Variants in CGA observed in about 807,000 individuals in gnomAD.
CGA encodes glycoprotein hormones, alpha polypeptide.
A neutral mutation model predicts 12.0 loss-of-function variants in CGA; 4 were observed. That is an observed-to-expected ratio of 0.33 (90% confidence interval 0.16 to 0.76). The LOEUF (loss-of-function observed/expected upper bound fraction) is 0.76, where lower values mean the gene tolerates loss of function less well. CGA is among the 30% of genes least tolerant of loss of function. The probability of loss-of-function intolerance (pLI) is 0.60; values close to 1 mark genes in which losing one functional copy is unlikely to be tolerated. For missense variants in CGA, 102 were observed against 143.5 expected (o/e 0.71, Z 1.48); for synonymous variants, 60 against 56.6 (o/e 1.06, Z -0.27).
rs184942595 is a variant in CGA, at chr6:87,089,771, A to G, written c.-7-1564T>C. On this transcript the variant is annotated intron_variant, in intron 1 of 3. Transcript: ENST00000627148. Reference sequence around the variant, plus strand: ...CTATTCTGAACATCTGAAATCTGAAATGGCCCACAATCTGAAACATTTTGC... The same window carrying G: ...CTATTCTGAACATCTGAAATCTGAAGTGGCCCACAATCTGAAACATTTTGC... Among the ~76,000 whole-genome samples the G allele has an allele frequency of 2.9e-3, 443 of 152,322 alleles. 4 individuals are homozygous for G. The highest frequency in any genetic ancestry group is 0.01 in the African/African-American group (424 of 41,570).
intron 2 of CGA, 196 bp downstream of exon 2, chr6:87,087,917 G>T: frequency 2.6e-6 from 1 of 379,114 alleles, no homozygotes; most frequent in Non-Finnish European, 4.7e-6. Flanking sequence ...GGTTGTGTAA[G>T]ATATCATTTT....
At chr6:87,088,627 T>C (rs1007878493) in intron 1 of CGA, among the ~76,000 whole-genome samples, 1 of 152,080 alleles carries the variant, frequency 6.6e-6, no homozygotes, top group Non-Finnish European at 1.5e-5. Context: ...TATACAATCA[T>C]TTGATGGAGG....
intron 1 of CGA, among the ~76,000 whole-genome samples, chr6:87,089,954 A>G (rs958384485): frequency 6.6e-6 from 1 of 152,254 alleles, no homozygotes; most frequent in African/African-American, 2.4e-5. Context: ...TCTCATCCCC[A>G]AGATATCTCA....
chr6:87,089,562 G>GT (rs1391215022), intron 1 of CGA, among the ~76,000 whole-genome samples: 2 of 152,050 alleles, frequency 1.3e-5, no homozygotes, highest in African/African-American at 4.8e-5. Flanking sequence ...CAAAATAAAA[G>GT]TTTTTTTAAA....
chr6:87,092,465 A>G (rs1251996455), intron 1 of CGA, among the ~76,000 whole-genome samples: 2 of 151,794 alleles, frequency 1.3e-5, no homozygotes, highest in East Asian at 3.9e-4. Flanking sequence ...GTGAACTGGG[A>G]TCGAGCCACT....
intron 1 of CGA, among the ~76,000 whole-genome samples, chr6:87,092,715 A>G (rs1225200902): frequency 6.6e-6 from 1 of 150,618 alleles, no homozygotes; most frequent in East Asian, 2.0e-4. Context: ...ACAGGGGAAC[A>G]GGGAAAGGGG....
At chr6:87,092,537 G>C (rs2127755504) in intron 1 of CGA, among the ~76,000 whole-genome samples, 1 of 150,160 alleles carries the variant, frequency 6.7e-6, no homozygotes, top group Middle Eastern at 3.4e-3. Flanking sequence ...GAGAGAGAGA[G>C]AGAGAAAGAA....
chr6:87,085,889 G>C (rs1769312690), intron 3 of CGA, 56 bp from the exon 4 acceptor site: 1 of 1,188,092 alleles, frequency 8.4e-7, no homozygotes, highest in Admixed American at 1.8e-5. Flanking sequence ...TAGATAGATA[G>C]AGACAAAATT....
rs1159521086 is a variant in CGA at position 87,086,374 on chromosome 6, A to T, written c.149T>A (p.Leu50His). The T allele has an allele frequency of 6.2e-7, 1 of 1,613,794 alleles. No homozygotes were observed. The highest frequency in any genetic ancestry group is 8.5e-7 in the Non-Finnish European group (1 of 1,179,932). Residue 50 changes from leucine to histidine, a missense_variant, in exon 3 of 4, where the codon CTT becomes CAT. Transcript: ENST00000627148. ...AGAGAAGCAGCAGCCCATGCACTGA[A>T]GTATTGGGGCACCCGGCTGGGAGAA... is the stretch of plus-strand genomic sequence containing the variant. ...PFFSQPGAPILQCMGCCFSRA... is the reference protein window; with the variant it reads ...PFFSQPGAPIHQCMGCCFSRA...
At chr6:87,088,742 C>T (rs943553247) in intron 1 of CGA, 1 of 151,986 alleles carries the variant, frequency 6.6e-6, no homozygotes, top group African/African-American at 2.4e-5. Flanking sequence ...AAAATAACAC[C>T]AAATACTGGC....
At chr6:87,094,218 C>G (rs974752417) in intron 1 of CGA, among the ~76,000 whole-genome samples, 4 of 152,186 alleles carry the variant, frequency 2.6e-5, no homozygotes, top group African/African-American at 9.6e-5. Context: ...TAGTGTCAGC[C>G]CATAGTTCTT....
intron 2 of CGA, chr6:87,087,686 C>T (rs1229323900): frequency 4.6e-5 from 7 of 152,454 alleles, no homozygotes; most frequent in African/African-American, 1.7e-4. Context: ...ATTTTTCAGA[C>T]AATACAGCAA....
chr6:87,086,441 G>T lies in CGA; in HGVS notation c.89-7C>A, dbSNP rs1294274633. 2 of 1,572,636 alleles carry T rather than the reference G, an allele frequency of 1.3e-6. No individual in the cohort carries two copies. Among genetic ancestry groups the T allele is most frequent in the African/African-American group, 2.9e-5 (2 of 69,616 alleles). The stretch of plus-strand genomic sequence containing the variant: ...AGCGTGCATTCTGGGCAATCTATCA[G>T]GGAAAAAAAAAGGCAGAGTAAAATA... On this transcript the variant is annotated splice_region_variant and splice_polypyrimidine_tract_variant and intron_variant, in intron 2 of 3. Transcript: ENST00000627148.
At chr6:87,089,303 C>T (rs958710877) in intron 1 of CGA, 4 of 152,098 alleles carry the variant, frequency 2.6e-5, no homozygotes, top group Middle Eastern at 3.2e-3. Context: ...GGGACAGCCG[C>T]ATGTTGATAG....
At chr6:87,088,792 C>T (rs981408099) in intron 1 of CGA, 2 of 152,144 alleles carry the variant, frequency 1.3e-5, no homozygotes, top group Non-Finnish European at 2.9e-5. Context: ...CATTGCTGGT[C>T]TAGTGGGAAT....
chr6:87,088,026 G>A (rs1769354977), intron 2 of CGA, 87 bp downstream of exon 2: 2 of 650,794 alleles, frequency 3.1e-6, no homozygotes, highest in Admixed American at 3.0e-5. Context: ...TTGAAAAGGT[G>A]GTAGAAATGT....
chr6:87,089,556 A>G (rs1769392474), intron 1 of CGA, among the ~76,000 whole-genome samples: 1 of 152,218 alleles, frequency 6.6e-6, no homozygotes, highest in African/African-American at 2.4e-5. Context: ...ATTATTCAAA[A>G]TAAAAGTTTT....
At chr6:87,088,619 T>C (rs1246818828) in intron 1 of CGA, among the ~76,000 whole-genome samples, 1 of 152,052 alleles carries the variant, frequency 6.6e-6, no homozygotes, top group African/African-American at 2.4e-5. Context: ...ATATAAAATA[T>C]ACAATCATTT....
intron 1 of CGA, among the ~76,000 whole-genome samples, chr6:87,091,818 T>C (rs9444470): frequency 0.61 from 92,519 of 152,040 alleles, 28,404 homozygotes; most frequent in East Asian, 0.69. Context: ...CTGCACTCAC[T>C]TATCACTTGG....
Sources: allele counts gnomAD v4.1 joint callset (sites outside exome capture counted in the v4.1 genomes callset), GRCh38; gene constraint gnomAD v4.1.1; transcripts MANE v1.5; gene names NCBI Gene and HGNC (gene_info 2026-07-23, HGNC 2026-07-21).